Variants in TMEM150C observed in about 807,000 individuals in gnomAD.
The protein encoded by TMEM150C is transmembrane protein 150C, also known as tentonin 3.
In TMEM150C, 10 loss-of-function variants were observed where a neutral mutation model predicts 29.9. That is an observed-to-expected ratio of 0.33 (90% CI 0.21 to 0.57). The LOEUF (loss-of-function observed/expected upper bound fraction) is 0.57, where lower values mean the gene tolerates loss of function less well. TMEM150C is among the 20% of genes least tolerant of loss of function. TMEM150C has a pLI of 0.88. For missense variants in TMEM150C, 251 were observed against 303.6 expected, an observed-to-expected ratio of 0.83 and a Z score of 1.29; for synonymous variants, 101 against 112.5, an observed-to-expected ratio of 0.90 and a Z score of 0.64.
At chr4:82,499,583 C>T (rs1224861750) in intron 5 of TMEM150C, among the ~76,000 whole-genome samples, 1 of 151,942 alleles carries the variant, frequency 6.6e-6, no homozygotes, top group Non-Finnish European at 1.5e-5. Context: ...ATTAGCCAGG[C>T]GTGGTGGCAC....
rs114334029 is a variant in TMEM150C, at chr4:82,507,325, A to G, written c.-10-2658T>C. ...AAATACTCATGCTGGCTCCCCTTTT[A>G]GGAATGTCTATATGGGAATCGAAAT... On this transcript the variant is annotated intron_variant, in intron 1 of 7. Coordinates refer to ENST00000449862, the MANE Select transcript of TMEM150C (RefSeq NM_001080506.3). Among the ~76,000 whole-genome samples the G allele has an allele frequency of 9.7e-3, 1,478 of 152,322 alleles. 28 individuals are homozygous for G. Among genetic ancestry groups the G allele is most frequent in the African/African-American group, 0.034 (1,399 of 41,578 alleles).
intron 1 of TMEM150C, among the ~76,000 whole-genome samples, chr4:82,545,159 C>A (rs1425074052): frequency 2.6e-5 from 4 of 152,220 alleles, no homozygotes; most frequent in African/African-American, 9.6e-5. Context: ...AAAATACTAG[C>A]AAATCGAATC....
At chr4:82,531,230 G>C (rs568800528) in intron 1 of TMEM150C, among the ~76,000 whole-genome samples, 1 of 152,324 alleles carries the variant, frequency 6.6e-6, no homozygotes, top group South Asian at 2.1e-4. Flanking sequence ...GTCTGGATGA[G>C]CTGCACTGAG....
intron 1 of TMEM150C, among the ~76,000 whole-genome samples, chr4:82,536,783 T>C (rs543857764): frequency 6.6e-6 from 1 of 152,176 alleles, no homozygotes; most frequent in South Asian, 2.1e-4. Context: ...AAAAGGTCAA[T>C]GACAAACTAG....
chr4:82,561,912 T>C lies in TMEM150C; in HGVS notation c.-17A>G, dbSNP rs1725950291. On this transcript the variant is annotated 5_prime_UTR_variant, in exon 1 of 8. Transcript: ENST00000449862. ...GAGGGGGCGCCGCGCCTACCTGCTC[T>C]GGTGCGGCGGGGCCGCTGTCGCCTC... 1.9e-6 allele frequency: 2 copies of C among 1,027,930 alleles called. No individual in the cohort carries two copies. The highest frequency in any genetic ancestry group is 2.3e-6 in the Non-Finnish European group (2 of 855,412). 63.7% of individuals were successfully genotyped at this position (1,027,930 alleles called of 1,614,324 possible).
rs543486253 is a variant in TMEM150C, at chr4:82,519,964, C to G, written c.-10-15297G>C. On this transcript the variant is annotated intron_variant, in intron 1 of 7. Transcript: ENST00000449862. Reference sequence around the variant, plus strand: ...AAAGTGAAACCGCTGATAAAGGAGTCTACTGTACATTTCCATTCTGGTTTA... The same window carrying G: ...AAAGTGAAACCGCTGATAAAGGAGTGTACTGTACATTTCCATTCTGGTTTA... Among the ~76,000 whole-genome samples the G allele has an allele frequency of 3.9e-5, 6 of 152,250 alleles. No homozygotes were observed. The South Asian group carries it at 1.0e-3, about 26-fold the overall frequency.
At chr4:82,501,368 G>A (rs1011834623) in intron 5 of TMEM150C, among the ~76,000 whole-genome samples, 4 of 152,054 alleles carry the variant, frequency 2.6e-5, no homozygotes, top group Non-Finnish European at 5.9e-5. Context: ...TGACTGCCAG[G>A]GGCATAAAGA....
chr4:82,532,885 C>T (rs144168743), intron 1 of TMEM150C, among the ~76,000 whole-genome samples: 6,202 of 152,034 alleles, frequency 0.041, 429 homozygotes, highest in African/African-American at 0.14. Flanking sequence ...CCTACCACCA[C>T]GCCCGGCTAA....
chr4:82,490,314 T>C (rs1723295782), intron 6 of TMEM150C, 76 bp from the exon 7 acceptor site: 4 of 1,294,946 alleles, frequency 3.1e-6, no homozygotes, highest in Non-Finnish European at 3.3e-6. Flanking sequence ...AATGAATATA[T>C]GAGGGGAAAA....
rs192175484 is a variant in TMEM150C at position 82,546,928 on chromosome 4, C to G, written c.-11+14978G>C. On this transcript the variant is annotated intron_variant, in intron 1 of 7. Transcript: ENST00000449862. ...GATTAAATATTTAAATGTAAGGTTT[C>G]AAACTATAAGAATCCTAGAAGAAAA... 1.9e-4 allele frequency among the ~76,000 whole-genome samples: 29 copies of G among 152,172 alleles called. No homozygotes were observed. In the East Asian group the frequency reaches 5.6e-3, roughly 29 times the overall value.
At position 82,496,094 on chromosome 4, in the gene TMEM150C, C is replaced by T. The variant is rs1205610027; in HGVS notation, c.337G>A (p.Gly113Arg). 2 of 1,613,752 alleles carry T rather than the reference C, an allele frequency of 1.2e-6. No individual in the cohort carries two copies. Among genetic ancestry groups the T allele is most frequent in the Non-Finnish European group, 1.7e-6 (2 of 1,179,864 alleles). ...TGAAAATTACCAAGTAAGGTCATTC[C>T]GAAGGAAGCCAGACACAGAGCCACC... Reference protein sequence around the residue: ...GLVALCLASFGMTLLGNFQLT... With the variant: ...GLVALCLASFRMTLLGNFQLT... The change falls in exon 6 of 8, where the codon GGA (glycine) becomes AGA (arginine). Residue 113 changes from glycine to arginine, a missense_variant. Gly to Arg is a moderately radical substitution (Grantham distance 125, BLOSUM62 -2). Coordinates refer to ENST00000449862, the MANE Select transcript of TMEM150C (RefSeq NM_001080506.3).
chr4:82,518,841 TGAGA>T (rs1194117755), intron 1 of TMEM150C, among the ~76,000 whole-genome samples: 2 of 152,232 alleles, frequency 1.3e-5, no homozygotes, highest in Non-Finnish European at 2.9e-5. Flanking sequence ...AAAAATGGAC[TGAGA>T]GAATATTCTT....
At chr4:82,529,232 T>G (rs1724754633) in intron 1 of TMEM150C, among the ~76,000 whole-genome samples, 1 of 151,824 alleles carries the variant, frequency 6.6e-6, no homozygotes, top group Non-Finnish European at 1.5e-5. Flanking sequence ...AGTTGTTTTT[T>G]GTTTCTTTCC....
chr4:82,509,993 A>G (rs567173810), intron 1 of TMEM150C, among the ~76,000 whole-genome samples: 19 of 152,322 alleles, frequency 1.2e-4, no homozygotes, highest in African/African-American at 4.6e-4. Context: ...GCAAATGGAA[A>G]TGGAAGCTAC....
intron 5 of TMEM150C, among the ~76,000 whole-genome samples, chr4:82,496,761 T>G (rs948262727): frequency 5.9e-5 from 9 of 152,170 alleles, no homozygotes; most frequent in African/African-American, 2.2e-4. Flanking sequence ...CATAAACCAT[T>G]CCTGGGAAGA....
At chr4:82,525,841 G>T (rs1724634583) in intron 1 of TMEM150C, among the ~76,000 whole-genome samples, 1 of 152,134 alleles carries the variant, frequency 6.6e-6, no homozygotes, top group South Asian at 2.1e-4. Flanking sequence ...GATAAAAGCA[G>T]GTAGTGGAGA....
intron 1 of TMEM150C, among the ~76,000 whole-genome samples, chr4:82,560,548 A>G (rs1725887356): frequency 1.3e-5 from 2 of 152,232 alleles, no homozygotes; most frequent in Non-Finnish European, 2.9e-5. Context: ...GGAAACATGG[A>G]GTCTCTAGAA....
intron 1 of TMEM150C, among the ~76,000 whole-genome samples, chr4:82,544,645 G>A (rs752996941): frequency 5.3e-5 from 8 of 152,178 alleles, no homozygotes; most frequent in Non-Finnish European, 7.3e-5. Flanking sequence ...CAAGTGTGGA[G>A]GTGCACACCT....
rs543061888 is a variant in TMEM150C at position 82,513,923 on chromosome 4, A to C, written c.-10-9256T>G. 2.0e-5 allele frequency among the ~76,000 whole-genome samples: 3 copies of C among 152,354 alleles called. No homozygotes were observed. The East Asian group carries it at 5.8e-4, about 29-fold the overall frequency. Reference sequence around the variant, plus strand: ...AAGGCTGGCATGTGAACTGGCTGGAAGTTCTGAGTACCTGAACTGCATTAG... The same window carrying C: ...AAGGCTGGCATGTGAACTGGCTGGACGTTCTGAGTACCTGAACTGCATTAG... On this transcript the variant is annotated intron_variant, in intron 1 of 7. Coordinates refer to ENST00000449862, the MANE Select transcript of TMEM150C (RefSeq NM_001080506.3).
Sources: gnomAD v4.1 joint callset for allele counts (sites outside exome capture counted in the v4.1 genomes callset) on GRCh38, gnomAD v4.1.1 for gene constraint, MANE v1.5 for transcripts, NCBI Gene and HGNC (gene_info 2026-07-23, HGNC 2026-07-21) for gene names.